Variants in KLHL18 observed in about 807,000 individuals in gnomAD.
KLHL18 encodes kelch like family member 18.
A neutral mutation model predicts 58.5 loss-of-function variants in KLHL18; 38 were observed. The ratio of observed to expected loss-of-function variants is 0.65; its 90% CI spans 0.50 to 0.85. The LOEUF (loss-of-function observed/expected upper bound fraction) is 0.85. Among genes scored for constraint, KLHL18 ranks in the 40% least tolerant of loss-of-function variants. The pLI is 0.00. For synonymous variants in KLHL18, 303 were observed against 301.9 expected (o/e 1.00, Z -0.04); for missense variants, 624 against 778.4 (o/e 0.80, Z 2.36).
chr3:47,323,987 G>A (rs939933074), intron 3 of KLHL18, among the ~76,000 whole-genome samples: 3 of 152,196 alleles, frequency 2.0e-5, no homozygotes, highest in Non-Finnish European at 4.4e-5. Flanking sequence ...TCAAATAACC[G>A]TGGTAATGAT....
intron 6 of KLHL18, among the ~76,000 whole-genome samples, chr3:47,336,165 CCT>C (rs1703979075): frequency 6.6e-6 from 1 of 152,210 alleles, no homozygotes; most frequent in African/African-American, 2.4e-5. Flanking sequence ...AAGCCCCTTG[CCT>C]TGGGTCACCC....
At chr3:47,286,337 C>G (rs1413004037) in intron 1 of KLHL18, among the ~76,000 whole-genome samples, 1 of 152,208 alleles carries the variant, frequency 6.6e-6, no homozygotes, top group African/African-American at 2.4e-5. Context: ...GCACATTTCA[C>G]TACTTGCCAC....
Position 47,334,734 on chromosome 3 carries a change from C to T in KLHL18, c.813C>T (p.Pro271=). The T allele has an allele frequency of 1.2e-6, 2 of 1,614,172 alleles. No homozygotes were observed. Among genetic ancestry groups the T allele is most frequent in the African/African-American group, 1.3e-5 (1 of 75,044 alleles). ...ACCACCTCATGCCAGAGCGCCGGCC[C>T]CACCTGCCAGCTTTCAGAACCCGGC... ...KDYHLMPERR[P]HLPAFRTRPR... The change falls in exon 6 of 10, where the codon CCC becomes CCT. Residue 271 remains proline (P), a synonymous_variant. Coordinates refer to ENST00000232766, the MANE Select transcript of KLHL18 (RefSeq NM_025010.5). The surrounding 1 kb of genome is among the most constrained non-coding windows in gnomAD (Gnocchi z 4.7).
chr3:47,298,499 A>G (rs1478067720), intron 1 of KLHL18, among the ~76,000 whole-genome samples: 1 of 152,178 alleles, frequency 6.6e-6, no homozygotes, highest in Non-Finnish European at 1.5e-5. Flanking sequence ...CATTTATTCG[A>G]CAAATACTGA....
chr3:47,309,082 T>TGG (rs1484975057), intron 1 of KLHL18, among the ~76,000 whole-genome samples: 1 of 152,198 alleles, frequency 6.6e-6, no homozygotes, highest in Non-Finnish European at 1.5e-5. Context: ...AGCACCGGGT[T>TGG]GGGGGTAAGC....
chr3:47,297,752 A>G (rs1481341812), intron 1 of KLHL18: 2 of 413,534 alleles, frequency 4.8e-6, no homozygotes, highest in Non-Finnish European at 9.7e-6. Context: ...TTTAGAATTC[A>G]TTAAGTACAA....
intron 1 of KLHL18, chr3:47,287,338 C>T (rs998537483): frequency 1.4e-4 from 22 of 152,298 alleles, no homozygotes; most frequent in African/African-American, 5.1e-4. Context: ...GAGCAGCTTC[C>T]TTAAACACTG....
At chr3:47,303,002 C>G (rs1258245405) in intron 1 of KLHL18, among the ~76,000 whole-genome samples, 2 of 152,208 alleles carry the variant, frequency 1.3e-5, no homozygotes, top group Non-Finnish European at 2.9e-5. Context: ...TATCAATTAG[C>G]TGTTTAATTT....
intron 7 of KLHL18, chr3:47,338,464 G>T (rs1472090798): frequency 6.6e-6 from 1 of 152,210 alleles, no homozygotes; most frequent in African/African-American, 2.4e-5. Context: ...TGGTTCAGGG[G>T]GTCAGTTATC....
rs1220343069 is a variant in KLHL18, at chr3:47,345,952, C to G, written c.*2011C>G. Reference sequence around the variant, plus strand: ...AATCTGATATCGGATGTCGTTTAACCTGGGCTCGTGGTAGGGCTCCAGCAT... The same window carrying G: ...AATCTGATATCGGATGTCGTTTAACGTGGGCTCGTGGTAGGGCTCCAGCAT... On this transcript the variant is annotated 3_prime_UTR_variant, in exon 10 of 10. Transcript: ENST00000232766. 1 of 152,422 alleles carries G rather than the reference C, an allele frequency of 6.6e-6. No individual in the cohort carries two copies. Among genetic ancestry groups the G allele is most frequent in the Non-Finnish European group, 1.5e-5 (1 of 67,988 alleles). 9.4% of individuals were successfully genotyped at this position (152,422 alleles called of 1,614,324 possible). A position where few individuals can be genotyped will look rare whatever the true frequency, so the allele number is the denominator to read the frequency against.
rs562840582 is a variant in KLHL18, at chr3:47,322,778, G to C, written c.401+70G>C. 44 of 1,437,178 alleles carry C rather than the reference G, an allele frequency of 3.1e-5. No individual in the cohort carries two copies. In the Admixed American group the frequency reaches 1.0e-3, roughly 33 times the overall value. The allele number at this position is 1,437,178 out of a possible 1,614,324, so 89.0% of individuals were successfully genotyped here. ...TTCTGGAATCTTCTGCCAGTTTGCTGAGTTCTTGGGACCATATATAGGTTT... is the reference window on the plus strand; with the variant it reads ...TTCTGGAATCTTCTGCCAGTTTGCTCAGTTCTTGGGACCATATATAGGTTT... On this transcript the variant is annotated intron_variant, in intron 3 of 9. Coordinates refer to ENST00000232766, the MANE Select transcript of KLHL18 (RefSeq NM_025010.5).
chr3:47,308,556 A>G (rs1186309234), intron 1 of KLHL18, among the ~76,000 whole-genome samples: 2 of 151,922 alleles, frequency 1.3e-5, no homozygotes, highest in African/African-American at 2.4e-5. Flanking sequence ...ACACCTGGCT[A>G]ATTTTTGTAT....
Position 47,330,016 on chromosome 3 carries a change from A to T in KLHL18, c.467A>T (p.Tyr156Phe). ...FAETMMCAVL[Y>F]DAANSFIHQH... ...GAGACAATGATGTGTGCTGTGCTGT[A>T]CGACGCTGCCAACAGCTTCATCCAC... Residue 156 changes from tyrosine to phenylalanine, a missense_variant, in exon 4 of 10, where the codon TAC becomes TTC. Transcript: ENST00000232766. 6.2e-7 allele frequency: 1 copy of T among 1,614,056 alleles called. No individual in the cohort carries two copies.
chr3:47,335,570 C>G (rs895058874), intron 6 of KLHL18, among the ~76,000 whole-genome samples: 2 of 152,096 alleles, frequency 1.3e-5, no homozygotes, highest in Non-Finnish European at 2.9e-5. Context: ...TGCAGTGGCG[C>G]AATCTCAGCT....
intron 1 of KLHL18, among the ~76,000 whole-genome samples, chr3:47,308,544 C>T (rs910985389): frequency 1.3e-5 from 2 of 152,140 alleles, no homozygotes; most frequent in Non-Finnish European, 2.9e-5. Context: ...GTGCATGCCA[C>T]CACACCTGGC....
At chr3:47,310,986 T>G (rs1372204894) in intron 1 of KLHL18, among the ~76,000 whole-genome samples, 1 of 152,072 alleles carries the variant, frequency 6.6e-6, no homozygotes, top group Non-Finnish European at 1.5e-5. Flanking sequence ...AATTTCTTCC[T>G]TAGTCCTGTT....
At chr3:47,342,860 TAC>T in intron 9 of KLHL18, 30 bp downstream of exon 9, 1 of 1,460,574 alleles carries the variant, frequency 6.8e-7, no homozygotes, top group Non-Finnish European at 9.6e-7. Context: ...GGGATAAGGG[TAC>T]CTACTTCTGT....
rs1576140268 is a variant in KLHL18, at chr3:47,298,609, G to A, written c.129+15515G>A. Among the ~76,000 whole-genome samples, 9 of 152,170 alleles carry A rather than the reference G, an allele frequency of 5.9e-5. No individual in the cohort carries two copies. The South Asian group carries it at 1.9e-3, about 32-fold the overall frequency. On this transcript the variant is annotated intron_variant, in intron 1 of 9. Transcript: ENST00000232766. The stretch of plus-strand genomic sequence containing the variant: ...GGATTAGATAAGTTAGTTATATCAG[G>A]CCACCACCATTTGCTCTTGTCAAGG...
intron 1 of KLHL18, among the ~76,000 whole-genome samples, chr3:47,316,826 T>G (rs1248202878): frequency 6.7e-6 from 1 of 150,144 alleles, no homozygotes; most frequent in African/African-American, 2.4e-5. Flanking sequence ...TTTTTAAACA[T>G]AGCCAGGTGC....
Sources: allele counts gnomAD v4.1 joint callset (sites outside exome capture counted in the v4.1 genomes callset), GRCh38; gene constraint gnomAD v4.1.1; non-coding constraint Gnocchi (gnomAD v3.1); transcripts MANE v1.5; gene names NCBI Gene and HGNC (gene_info 2026-07-23, HGNC 2026-07-21).